Variants in PREX2 observed in about 807,000 individuals in gnomAD.
PREX2 encodes phosphatidylinositol 3,4,5-trisphosphate-dependent Rac exchanger 2 protein.
Under a neutral mutation model 203.2 loss-of-function variants are expected in PREX2, and 107 were observed. The ratio of observed to expected loss-of-function variants is 0.53; its 90% CI spans 0.45 to 0.62. The LOEUF is 0.62. Ranked by LOEUF, PREX2 falls within the 20% of genes least tolerant of loss-of-function variation. PREX2 has a pLI of 0.00. For synonymous variants in PREX2, 672 were observed against 663.6 expected, an observed-to-expected ratio of 1.01 and a Z score of -0.19; for missense variants, 1,777 against 1,955.9, an observed-to-expected ratio of 0.91 and a Z score of 1.72.
intron 1 of PREX2, among the ~76,000 whole-genome samples, chr8:67,990,986 G>A (rs1477269863): frequency 6.6e-6 from 1 of 152,138 alleles, no homozygotes; most frequent in African/African-American, 2.4e-5. Flanking sequence ...TGATTTGAGA[G>A]CTTCCCAGAG....
chr8:67,996,173 G>A (rs1279266066), intron 1 of PREX2, among the ~76,000 whole-genome samples: 1 of 151,924 alleles, frequency 6.6e-6, no homozygotes, highest in African/African-American at 2.4e-5. Flanking sequence ...ATATTGGGTA[G>A]TTTTTCTTTT....
intron 1 of PREX2, among the ~76,000 whole-genome samples, chr8:68,005,495 T>A (rs1050207425): frequency 6.6e-6 from 1 of 152,212 alleles, no homozygotes; most frequent in Non-Finnish European, 1.5e-5. Flanking sequence ...ATCCATGACC[T>A]GCCCTCACCT....
intron 1 of PREX2, among the ~76,000 whole-genome samples, chr8:67,975,797 G>A (rs571398753): frequency 7.3e-6 from 1 of 137,864 alleles, no homozygotes; most frequent in Non-Finnish European, 1.5e-5. Context: ...TCCGCTTCTC[G>A]GGTTCAAGTG....
At chr8:68,082,050 ATT>A (rs59904367) in intron 17 of PREX2, among the ~76,000 whole-genome samples, 80,577 of 151,646 alleles carry the variant, frequency 0.53, 21,417 homozygotes, top group South Asian at 0.56. Flanking sequence ...TCATTCATTC[ATT>A]CATTCATTTA....
chr8:68,146,440 T>C, intron 34 of PREX2, 88 bp downstream of exon 34: 1 of 1,184,344 alleles, frequency 8.4e-7, no homozygotes, highest in Non-Finnish European at 1.2e-6. Context: ...ACAGTTGGGA[T>C]TTTTAAATTA....
chr8:68,148,018 A>G (rs2380446), intron 34 of PREX2, among the ~76,000 whole-genome samples: 31,795 of 152,128 alleles, frequency 0.21, 3,941 homozygotes, highest in South Asian at 0.31. Context: ...AGGCCGAGGC[A>G]GGTGAATCAC....
intron 39 of PREX2, among the ~76,000 whole-genome samples, chr8:68,229,154 G>C (rs1233359662): frequency 6.6e-6 from 1 of 151,994 alleles, no homozygotes; most frequent in East Asian, 1.9e-4. Flanking sequence ...GTGTAGAAAG[G>C]TGAAAGGCAC....
chr8:68,190,462 A>G (rs1332353708), intron 35 of PREX2, among the ~76,000 whole-genome samples: 1 of 152,200 alleles, frequency 6.6e-6, no homozygotes, highest in Non-Finnish European at 1.5e-5. Flanking sequence ...TGGAGGCATT[A>G]TCCTAAGTGA....
At chr8:68,055,060 C>T (rs958312628) in intron 9 of PREX2, among the ~76,000 whole-genome samples, 1 of 152,208 alleles carries the variant, frequency 6.6e-6, no homozygotes, top group African/African-American at 2.4e-5. Flanking sequence ...TTTCTCCTAA[C>T]AGTGTCACTC....
chr8:67,986,489 C>G (rs902945602), intron 1 of PREX2, among the ~76,000 whole-genome samples: 1 of 94,262 alleles, frequency 1.1e-5, no homozygotes, highest in Non-Finnish European at 2.7e-5. Flanking sequence ...GGTGGCTTGT[C>G]TACGTGCAAA....
Position 68,208,475 on chromosome 8 carries a change from G to A in PREX2, c.4605-9141G>A, listed in dbSNP as rs553839134. ...AAAAAAAATCATGGTACAGAAATTT[G>A]TAAGAAATTAAATAACTTCTATGTC... On this transcript the variant is annotated intron_variant, in intron 37 of 39. Transcript: ENST00000288368. 8.6e-4 allele frequency among the ~76,000 whole-genome samples: 131 copies of A among 152,164 alleles called. 3 individuals carry two copies. In the South Asian group the frequency reaches 0.011, roughly 12 times the overall value.
In PREX2 at chr8:68,236,290, G is replaced by A. The variant is rs181966623; in HGVS notation, c.*4912G>A. 2.6e-5 allele frequency: 4 copies of A among 152,252 alleles called. No homozygotes were observed. In the East Asian group the frequency reaches 7.7e-4, roughly 29 times the overall value. The allele number at this position is 152,252 out of a possible 1,614,324, so 9.4% of individuals were successfully genotyped here. Reference sequence around the variant, plus strand: ...TGCATTTCTACTAGAAATAGCTTTGGAGAGTTAATTTTAGGTGCGAATAAC... The same window carrying A: ...TGCATTTCTACTAGAAATAGCTTTGAAGAGTTAATTTTAGGTGCGAATAAC... On this transcript the variant is annotated 3_prime_UTR_variant, in exon 40 of 40. Transcript: ENST00000288368.
chr8:68,048,966 T>C (rs1376493196), intron 8 of PREX2, among the ~76,000 whole-genome samples: 1 of 152,000 alleles, frequency 6.6e-6, no homozygotes, highest in Non-Finnish European at 1.5e-5. Flanking sequence ...TAACAATGGC[T>C]TAACAATGTT....
chr8:68,151,120 T>G (rs1811425056), intron 34 of PREX2, among the ~76,000 whole-genome samples: 1 of 152,108 alleles, frequency 6.6e-6, no homozygotes, highest in Non-Finnish European at 1.5e-5. Context: ...GCAAAAACCC[T>G]ATTTCAAAAT....
intron 37 of PREX2, among the ~76,000 whole-genome samples, chr8:68,212,657 G>A (rs909264319): frequency 1.3e-5 from 2 of 151,982 alleles, no homozygotes; most frequent in Non-Finnish European, 2.9e-5. Context: ...CACAATTTTT[G>A]TAACATACTC....
At chr8:68,051,043 T>C (rs919821097) in intron 8 of PREX2, among the ~76,000 whole-genome samples, 6 of 152,244 alleles carry the variant, frequency 3.9e-5, no homozygotes, top group Admixed American at 3.9e-4. Flanking sequence ...AATGGGTGGC[T>C]TTTGAGCTAA....
intron 31 of PREX2, among the ~76,000 whole-genome samples, chr8:68,132,574 A>G (rs143931535): frequency 8.5e-4 from 129 of 152,256 alleles, no homozygotes; most frequent in African/African-American, 3.0e-3. Flanking sequence ...AATTATGTGT[A>G]CACATGCCTT....
At chr8:67,959,115 G>GGAAGA (rs1310695052) in intron 1 of PREX2, among the ~76,000 whole-genome samples, 3 of 152,196 alleles carry the variant, frequency 2.0e-5, no homozygotes, top group African/African-American at 7.2e-5. Flanking sequence ...AAAGGATAGA[G>GGAAGA]GAAGAGTAGA....
chr8:68,113,851 G>A (rs767806827), intron 25 of PREX2, among the ~76,000 whole-genome samples: 5 of 152,032 alleles, frequency 3.3e-5, no homozygotes, highest in Non-Finnish European at 7.4e-5. Context: ...TTTTGTTTTT[G>A]TTGTTGTTGT....
Sources: gnomAD v4.1 joint callset for allele counts (sites outside exome capture counted in the v4.1 genomes callset) on GRCh38, gnomAD v4.1.1 for gene constraint, MANE v1.5 for transcripts, NCBI Gene and HGNC (gene_info 2026-07-23, HGNC 2026-07-21) for gene names.